FABP12: variants seen among roughly 807,000 people sequenced by gnomAD.
FABP12 encodes the protein fatty acid-binding protein 12.
Under a neutral mutation model 13.7 loss-of-function variants are expected in FABP12, and 19 were observed. The ratio of observed to expected loss-of-function variants is 1.39; its 90% CI spans 0.97 to 2.04. The LOEUF (loss-of-function observed/expected upper bound fraction) is 2.04, where lower values mean the gene tolerates loss of function less well. Among genes scored for constraint, FABP12 ranks in the 30% most tolerant of loss-of-function variants. The pLI is 0.00. For synonymous variants in FABP12, 61 were observed against 57.0 expected, an observed-to-expected ratio of 1.07 and a Z score of -0.32; for missense variants, 182 against 164.2, an observed-to-expected ratio of 1.11 and a Z score of -0.59.
intron 1 of FABP12, among the ~76,000 whole-genome samples, chr8:81,571,204 G>A (rs1809926742): frequency 1.3e-5 from 2 of 152,220 alleles, no homozygotes. Context: ...CTGGTGCTGG[G>A]AGCAGGAGAG....
At chr8:81,546,160 G>A (rs1405241427) in intron 1 of FABP12, among the ~76,000 whole-genome samples, 2 of 152,122 alleles carry the variant, frequency 1.3e-5, no homozygotes, top group African/African-American at 4.8e-5. Context: ...GTAGCCTAAT[G>A]CTTTTGCTTA....
In FABP12 at chr8:81,546,497, C is replaced by CAA. The variant is rs544166796; in HGVS notation, c.-184-6756_-184-6755dup. Among the ~76,000 whole-genome samples, 801 of 111,702 alleles carry CAA rather than the reference C, an allele frequency of 7.2e-3. 6 individuals carry two copies. Among genetic ancestry groups the CAA allele is most frequent in the African/African-American group, 0.02 (636 of 31,050 alleles). 73.3% of individuals were successfully genotyped at this position (111,702 alleles called of 152,430 possible). On this transcript the variant is annotated intron_variant, in intron 1 of 5. Transcript: ENST00000692030. Reference sequence around the variant, plus strand: ...TGAAACCCCGTGTCTACTAAAAATACAAAAAAAAAAAAAAAAGTAGCTGGG... The same window carrying CAA: ...TGAAACCCCGTGTCTACTAAAAATACAAAAAAAAAAAAAAAAAAGTAGCTGGG...
intron 4 of FABP12, among the ~76,000 whole-genome samples, 165 bp downstream of exon 4, chr8:81,526,855 T>G (rs1808913702): frequency 1.3e-5 from 2 of 152,242 alleles, no homozygotes; most frequent in East Asian, 3.8e-4. Flanking sequence ...CCACACACAT[T>G]TTATATAATG....
rs1356325177 is a variant in FABP12, at chr8:81,527,007, T to C, written c.348+13A>G. The C allele has an allele frequency of 6.6e-7, 1 of 1,523,684 alleles. No individual in the cohort carries two copies. Among genetic ancestry groups the C allele is most frequent in the African/African-American group, 1.4e-5 (1 of 72,960 alleles). 94.4% of individuals were successfully genotyped at this position (1,523,684 alleles called of 1,614,324 possible). A position where few individuals can be genotyped will look rare whatever the true frequency, so the allele number is the denominator to read the frequency against. On this transcript the variant is annotated intron_variant, in intron 4 of 4. Transcript: ENST00000360464. The stretch of plus-strand genomic sequence containing the variant: ...GCAGAAGGTGGGAAGAAAGCGAGGA[T>C]GGGCTAACTCACCACCACCATTTTC...
At chr8:81,572,679 A>G (rs2130078051) in intron 1 of FABP12, among the ~76,000 whole-genome samples, 1 of 152,106 alleles carries the variant, frequency 6.6e-6, no homozygotes, top group South Asian at 2.1e-4. Context: ...GTGTTGTGAT[A>G]TTGATTTGCA....
chr8:81,537,461 T>C (rs912775697), upstream of FABP12, among the ~76,000 whole-genome samples: 1 of 152,192 alleles, frequency 6.6e-6, no homozygotes, highest in African/African-American at 2.4e-5. Flanking sequence ...TTCCATGCGG[T>C]TCTAATGCAC....
intron 1 of FABP12, among the ~76,000 whole-genome samples, chr8:81,590,016 A>G (rs907307080): frequency 3.9e-5 from 6 of 152,240 alleles, no homozygotes; most frequent in Non-Finnish European, 8.8e-5. Context: ...TCTAATTGTG[A>G]TAACATAATC....
intron 3 of FABP12, among the ~76,000 whole-genome samples, chr8:81,528,930 C>A (rs1307338606): frequency 1.3e-5 from 2 of 152,062 alleles, no homozygotes; most frequent in Non-Finnish European, 2.9e-5. Context: ...TTCCTGTTTA[C>A]TCCACTACAC....
At chr8:81,537,255 A>C (rs921429565), upstream of FABP12, among the ~76,000 whole-genome samples, 2 of 152,206 alleles carry the variant, frequency 1.3e-5, no homozygotes, top group Non-Finnish European at 2.9e-5. Context: ...CGAGAATCAA[A>C]AATTAATTGT....
At chr8:81,554,146 T>C (rs2130022496) in intron 1 of FABP12, among the ~76,000 whole-genome samples, 1 of 152,320 alleles carries the variant, frequency 6.6e-6, no homozygotes, top group Non-Finnish European at 1.5e-5. Context: ...CTTGAGGGTG[T>C]CATTCTCTTT....
chr8:81,562,029 A>G (rs1479569499), intron 1 of FABP12, among the ~76,000 whole-genome samples: 3 of 152,156 alleles, frequency 2.0e-5, no homozygotes, highest in Admixed American at 1.3e-4. Context: ...CCCAGCCCCA[A>G]AAGGGATTAT....
intron 3 of FABP12, among the ~76,000 whole-genome samples, chr8:81,527,575 A>T (rs930609214): frequency 1.3e-5 from 2 of 152,102 alleles, no homozygotes; most frequent in Middle Eastern, 3.4e-3. Flanking sequence ...GTTGGCCAGG[A>T]TGGTCTTGAA....
intron 1 of FABP12, chr8:81,532,894 G>C (rs1468610183): frequency 6.6e-6 from 1 of 152,236 alleles, no homozygotes; most frequent in Admixed American, 6.5e-5. Flanking sequence ...TGAGTAATTT[G>C]TACGACTGTG....
At chr8:81,590,112 T>A (rs1006513851) in exon 1 of FABP12, among the ~76,000 whole-genome samples, 2 of 152,228 alleles carry the variant, frequency 1.3e-5, no homozygotes, top group South Asian at 4.1e-4. Flanking sequence ...GACTTCCACC[T>A]GCATGTTATG....
intron 1 of FABP12, among the ~76,000 whole-genome samples, chr8:81,586,433 T>C (rs560260317): frequency 6.6e-6 from 1 of 152,360 alleles, no homozygotes; most frequent in East Asian, 1.9e-4. Flanking sequence ...CTTTCCACAA[T>C]GGCTGAACTA....
chr8:81,573,947 T>C (rs1439012458), intron 1 of FABP12, among the ~76,000 whole-genome samples: 1 of 152,178 alleles, frequency 6.6e-6, no homozygotes, highest in Admixed American at 6.5e-5. Context: ...GGCTTATTTC[T>C]TTCTCTTATC....
chr8:81,570,213 C>T (rs138106580), intron 1 of FABP12, among the ~76,000 whole-genome samples: 154 of 152,358 alleles, frequency 1.0e-3, no homozygotes, highest in African/African-American at 3.7e-3. Context: ...TGAGTCACAG[C>T]CCTGGCTGAG....
chr8:81,532,145 AG>A (rs1323994432), intron 1 of FABP12, among the ~76,000 whole-genome samples: 2 of 152,238 alleles, frequency 1.3e-5, no homozygotes, highest in Non-Finnish European at 2.9e-5. Context: ...AAGTCAGAAC[AG>A]GGGTCAAGGA....
chr8:81,534,640 G>A (rs142958222), upstream of FABP12, among the ~76,000 whole-genome samples: 319 of 152,248 alleles, frequency 2.1e-3, 1 homozygote, highest in African/African-American at 7.2e-3. Flanking sequence ...ATAAAGAGTA[G>A]GAGTTAACAT....
Sources: allele counts gnomAD v4.1 joint callset (sites outside exome capture counted in the v4.1 genomes callset), GRCh38; gene constraint gnomAD v4.1.1; transcripts MANE v1.5; gene names NCBI Gene and HGNC (gene_info 2026-07-23, HGNC 2026-07-21).